ZFAND3: variants seen among roughly 807,000 people sequenced by gnomAD.
The protein encoded by ZFAND3 is zinc finger AN1-type containing 3.
In ZFAND3, 10 loss-of-function variants were observed where a neutral mutation model predicts 29.6. The ratio of observed to expected loss-of-function variants is 0.34; its 90% CI spans 0.21 to 0.57. The LOEUF (loss-of-function observed/expected upper bound fraction) is 0.57, where lower values mean the gene tolerates loss of function less well. Ranked by LOEUF, ZFAND3 falls within the 20% of genes least tolerant of loss-of-function variation. The probability of loss-of-function intolerance (pLI) is 0.86; values close to 1 mark genes in which losing one functional copy is unlikely to be tolerated. For missense variants in ZFAND3, 230 were observed against 304.5 expected (o/e 0.76, Z 1.82); for synonymous variants, 128 against 112.6 (o/e 1.14, Z -0.87).
intron 4 of ZFAND3, among the ~76,000 whole-genome samples, chr6:38,096,319 C>G (rs903751097): frequency 6.6e-6 from 1 of 152,024 alleles, no homozygotes; most frequent in African/African-American, 2.4e-5. Flanking sequence ...ATTACAGGCA[C>G]CTGCCACCAC....
At chr6:37,882,804 T>C (rs1210861396) in intron 1 of ZFAND3, among the ~76,000 whole-genome samples, 6 of 152,230 alleles carry the variant, frequency 3.9e-5, no homozygotes, top group Non-Finnish European at 8.8e-5. Flanking sequence ...TTTGTTTCTA[T>C]GTCTGTTCAC....
intron 2 of ZFAND3, among the ~76,000 whole-genome samples, chr6:38,016,865 T>G (rs535981121): frequency 6.6e-6 from 1 of 152,286 alleles, no homozygotes; most frequent in African/African-American, 2.4e-5. Flanking sequence ...GAAATATTAT[T>G]AAATATATTC....
chr6:37,981,235 C>T (rs1456540213), intron 2 of ZFAND3, among the ~76,000 whole-genome samples: 4 of 152,122 alleles, frequency 2.6e-5, no homozygotes, highest in Admixed American at 6.5e-5. Context: ...ATAGGAATAG[C>T]GTGTTTCTTG....
intron 1 of ZFAND3, among the ~76,000 whole-genome samples, chr6:37,859,034 C>T (rs1204673240): frequency 6.6e-6 from 1 of 152,310 alleles, no homozygotes; most frequent in African/African-American, 2.4e-5. Flanking sequence ...TTCTGATACA[C>T]GTATGTTTTA....
chr6:38,098,888 GTTTTTGT>G (rs967994143), intron 4 of ZFAND3, among the ~76,000 whole-genome samples: 3 of 152,032 alleles, frequency 2.0e-5, no homozygotes, highest in African/African-American at 4.8e-5. Context: ...TATATATGTG[GTTTTTGT>G]TTTTTGTTTT....
chr6:37,952,983 GT>G (rs928409312), intron 2 of ZFAND3, among the ~76,000 whole-genome samples: 1 of 150,980 alleles, frequency 6.6e-6, no homozygotes, highest in South Asian at 2.1e-4. Context: ...TTTTTCCGTA[GT>G]TTTTTTTCAA....
chr6:38,106,057 G>A (rs1005056081), intron 4 of ZFAND3, among the ~76,000 whole-genome samples: 2 of 152,240 alleles, frequency 1.3e-5, no homozygotes, highest in Admixed American at 1.3e-4. Context: ...TTCTCCAAGG[G>A]CCTTTGCTTC....
rs148134548 is a variant in ZFAND3 at position 37,904,615 on chromosome 6, C to T, written c.72-25344C>T. On this transcript the variant is annotated intron_variant, in intron 1 of 5. Transcript: ENST00000287218. Reference sequence around the variant, plus strand: ...AAACTGGAATTTAAAGGGATTGATACGACAAAGCAAGAATTATATAATGAC... The same window carrying T: ...AAACTGGAATTTAAAGGGATTGATATGACAAAGCAAGAATTATATAATGAC... Among the ~76,000 whole-genome samples the T allele has an allele frequency of 4.6e-5, 7 of 151,978 alleles. No individual in the cohort carries two copies. The East Asian group carries it at 5.8e-4, about 13-fold the overall frequency.
chr6:37,939,049 A>G (rs1324224559), intron 2 of ZFAND3, among the ~76,000 whole-genome samples: 3 of 152,186 alleles, frequency 2.0e-5, no homozygotes, highest in African/African-American at 7.2e-5. Flanking sequence ...TGGCATAGAG[A>G]GAAAATGTTA....
intron 2 of ZFAND3, among the ~76,000 whole-genome samples, chr6:38,008,376 A>G (rs1405466135): frequency 6.6e-6 from 1 of 152,214 alleles, no homozygotes; most frequent in Non-Finnish European, 1.5e-5. Context: ...ATATTTAGGA[A>G]AACCCAGGTA....
intron 2 of ZFAND3, among the ~76,000 whole-genome samples, chr6:37,951,983 C>T (rs539001207): frequency 6.6e-6 from 1 of 152,292 alleles, no homozygotes; most frequent in South Asian, 2.1e-4. Flanking sequence ...CTTTTTAGTT[C>T]TGTTAATGTG....
chr6:37,959,380 G>A (rs1762155662), intron 2 of ZFAND3, among the ~76,000 whole-genome samples: 1 of 152,194 alleles, frequency 6.6e-6, no homozygotes, highest in African/African-American at 2.4e-5. Flanking sequence ...TTACATAGAT[G>A]GCTCCAAATC....
intron 2 of ZFAND3, among the ~76,000 whole-genome samples, chr6:37,947,798 C>A (rs1304899339): frequency 1.3e-5 from 2 of 152,058 alleles, no homozygotes; most frequent in Non-Finnish European, 2.9e-5. Context: ...CTCCTATTCC[C>A]CCCAACATAT....
intron 5 of ZFAND3, among the ~76,000 whole-genome samples, chr6:38,136,988 C>G (rs1324171372): frequency 6.6e-6 from 1 of 152,340 alleles, no homozygotes; most frequent in South Asian, 2.1e-4. Flanking sequence ...GATTAATTTT[C>G]CATGGAATCT....
chr6:37,874,237 C>T (rs945122975), intron 1 of ZFAND3, among the ~76,000 whole-genome samples: 7 of 152,104 alleles, frequency 4.6e-5, no homozygotes, highest in Admixed American at 1.3e-4. Context: ...CCTTTTTGGC[C>T]GGACGTGGTG....
intron 2 of ZFAND3, among the ~76,000 whole-genome samples, chr6:38,006,655 GTTTTTTTTT>G (rs5875608): frequency 7.5e-6 from 1 of 133,112 alleles, no homozygotes; most frequent in Non-Finnish European, 1.6e-5. Flanking sequence ...GAGGAAGAGG[GTTTTTTTTT>G]TTTTTTTTTT....
intron 2 of ZFAND3, among the ~76,000 whole-genome samples, chr6:38,010,511 C>T (rs1477716133): frequency 6.6e-6 from 1 of 151,638 alleles, no homozygotes; most frequent in Non-Finnish European, 1.5e-5. Flanking sequence ...TTGCTTTTGT[C>T]TTCAGCTGTT....
chr6:37,901,658 G>A (rs12201208), intron 1 of ZFAND3, among the ~76,000 whole-genome samples: 2,662 of 152,270 alleles, frequency 0.017, 33 homozygotes, highest in Non-Finnish European at 0.027. Flanking sequence ...TTCTAATATG[G>A]AAATGAAATC....
intron 1 of ZFAND3, among the ~76,000 whole-genome samples, chr6:37,895,256 C>T (rs1479685181): frequency 1.3e-5 from 2 of 151,822 alleles, no homozygotes; most frequent in South Asian, 2.1e-4. Flanking sequence ...TTCTTCATTG[C>T]TTAATCTGCT....
Sources: allele counts gnomAD v4.1 joint callset (sites outside exome capture counted in the v4.1 genomes callset), GRCh38; gene constraint gnomAD v4.1.1; transcripts MANE v1.5; gene names NCBI Gene and HGNC (gene_info 2026-07-23, HGNC 2026-07-21).